Variants in XKR6 observed in about 807,000 individuals in gnomAD.
XKR6 encodes XK-related protein 6.
Under a neutral mutation model 56.7 loss-of-function variants are expected in XKR6, and 22 were observed. That is an observed-to-expected ratio of 0.39 (90% confidence interval 0.28 to 0.55). XKR6 has a LOEUF of 0.55. Among genes scored for constraint, XKR6 ranks in the 20% least tolerant of loss-of-function variants. XKR6 has a pLI of 0.66. For synonymous variants in XKR6, 524 were observed against 387.8 expected, an observed-to-expected ratio of 1.35 and a Z score of -4.13; for missense variants, 852 against 889.0, an observed-to-expected ratio of 0.96 and a Z score of 0.53.
intron 1 of XKR6, among the ~76,000 whole-genome samples, chr8:11,142,132 T>C (rs1800734718): frequency 2.0e-5 from 3 of 152,088 alleles, no homozygotes; most frequent in Non-Finnish European, 4.4e-5. Flanking sequence ...CACACATACA[T>C]TTCAGCCCTC....
chr8:11,027,995 G>T (rs563186354), intron 1 of XKR6, among the ~76,000 whole-genome samples: 1 of 152,130 alleles, frequency 6.6e-6, no homozygotes, highest in East Asian at 1.9e-4. Context: ...TTACATCAGG[G>T]TTCATACTTG....
At chr8:10,953,622 G>C (rs981707512) in intron 1 of XKR6, among the ~76,000 whole-genome samples, 3 of 152,184 alleles carry the variant, frequency 2.0e-5, no homozygotes, top group African/African-American at 4.8e-5. Flanking sequence ...CAATTCAGTG[G>C]ATCTGGCACT....
chr8:11,070,116 C>T (rs967564002), intron 1 of XKR6, among the ~76,000 whole-genome samples: 1 of 152,186 alleles, frequency 6.6e-6, no homozygotes, highest in Admixed American at 6.5e-5. Context: ...CCTGACAACA[C>T]AGATGTGTGA....
At chr8:11,019,990 C>T (rs1424100388) in intron 1 of XKR6, among the ~76,000 whole-genome samples, 3 of 152,160 alleles carry the variant, frequency 2.0e-5, no homozygotes, top group Non-Finnish European at 4.4e-5. Flanking sequence ...AGGGATAGGG[C>T]ACTCTTCCCC....
intron 1 of XKR6, among the ~76,000 whole-genome samples, chr8:11,069,813 G>A (rs777348681): frequency 5.3e-5 from 8 of 152,188 alleles, no homozygotes; most frequent in Non-Finnish European, 1.0e-4. Flanking sequence ...AGCATGCGGC[G>A]TGGCCCAGAC....
Position 11,048,642 on chromosome 8 carries a change from G to A in XKR6, c.765-123812C>T, listed in dbSNP as rs1018935642. 3.3e-5 allele frequency among the ~76,000 whole-genome samples: 5 copies of A among 152,134 alleles called. No individual in the cohort carries two copies. In the East Asian group the frequency reaches 7.7e-4, roughly 23 times the overall value. ...TGAGGTTGGAGAAGAGCTAGCCCAG[G>A]GGTCTCTACAAATGAAGGGAGCCCT... is the stretch of plus-strand genomic sequence containing the variant. On this transcript the variant is annotated intron_variant, in intron 1 of 2. Coordinates refer to ENST00000416569, the MANE Select transcript of XKR6 (RefSeq NM_173683.4).
At position 10,928,134 on chromosome 8, in the gene XKR6, T is replaced by G. The variant is rs368129698; in HGVS notation, c.765-3304A>C. Reference sequence around the variant, plus strand: ...CCTGGAGGTCTAGTCCAACCCCCACTTTATAGTGGAGGGCCCAGGTGCCAG... The same window carrying G: ...CCTGGAGGTCTAGTCCAACCCCCACGTTATAGTGGAGGGCCCAGGTGCCAG... On this transcript the variant is annotated intron_variant, in intron 1 of 2. Transcript: ENST00000416569. 2.5e-4 allele frequency among the ~76,000 whole-genome samples: 38 copies of G among 152,236 alleles called. No homozygotes were observed. The South Asian group carries it at 7.9e-3, about 32-fold the overall frequency.
chr8:11,019,710 C>A (rs938352705), intron 1 of XKR6, among the ~76,000 whole-genome samples: 2 of 152,194 alleles, frequency 1.3e-5, no homozygotes, highest in African/African-American at 4.8e-5. Context: ...CAGGCCCCAG[C>A]CACACCTGCA....
rs1554515116 is a variant in XKR6, at chr8:10,954,866, C to CCTTTTTTTTTTTTTT, written c.765-30037_765-30036insAAAAAAAAAAAAAAG. On this transcript the variant is annotated intron_variant, in intron 1 of 2. Transcript: ENST00000416569. Reference sequence around the variant, plus strand: ...TAAGGTAAGGGTCTAACTTCATTCTCTTTTTTTTTTTTTTTTTTTTAGACA... The same window carrying CCTTTTTTTTTTTTTT: ...TAAGGTAAGGGTCTAACTTCATTCTCCTTTTTTTTTTTTTTTTTTTTTTTTTTTTTTTTTTAGACA... 7.5e-5 allele frequency among the ~76,000 whole-genome samples: 7 copies of CCTTTTTTTTTTTTTT among 92,794 alleles called. 1 individual carries two copies. The highest frequency in any genetic ancestry group is 1.7e-4 in the African/African-American group (4 of 23,228). 60.9% of individuals were successfully genotyped at this position (92,794 alleles called of 152,430 possible). A position where few individuals can be genotyped will look rare whatever the true frequency, so the allele number is the denominator to read the frequency against.
intron 1 of XKR6, among the ~76,000 whole-genome samples, chr8:11,181,505 A>G (rs1802980798): frequency 6.6e-6 from 1 of 152,248 alleles, no homozygotes; most frequent in Non-Finnish European, 1.5e-5. Flanking sequence ...ATTATTTCAT[A>G]GGGACATATT....
intron 1 of XKR6, among the ~76,000 whole-genome samples, chr8:11,054,083 G>A (rs1563106475): frequency 1.3e-5 from 2 of 152,220 alleles, no homozygotes; most frequent in South Asian, 2.1e-4. Context: ...TAGGAATGCT[G>A]GGTGGGGAAT....
At chr8:10,909,679 C>A (rs375787758) in intron 2 of XKR6, among the ~76,000 whole-genome samples, 2 of 152,190 alleles carry the variant, frequency 1.3e-5, no homozygotes, top group Non-Finnish European at 1.5e-5. Context: ...TCTCCAAACA[C>A]GGGAAAGGGA....
intron 1 of XKR6, among the ~76,000 whole-genome samples, chr8:10,944,146 C>G (rs910541144): frequency 3.9e-5 from 6 of 152,154 alleles, no homozygotes; most frequent in African/African-American, 1.4e-4. Flanking sequence ...TCAGAGTGCA[C>G]TAAACTGAGT....
At chr8:11,046,562 A>G (rs1202994390) in intron 1 of XKR6, among the ~76,000 whole-genome samples, 3 of 152,220 alleles carry the variant, frequency 2.0e-5, no homozygotes, top group Admixed American at 2.0e-4. Context: ...GGATGAATGG[A>G]TAGAGAAAAT....
intron 1 of XKR6, among the ~76,000 whole-genome samples, chr8:11,027,241 C>T (rs536311360): frequency 6.6e-6 from 1 of 152,310 alleles, no homozygotes; most frequent in African/African-American, 2.4e-5. Flanking sequence ...ATGGTATTAT[C>T]ATCTTATGGG....
At chr8:10,950,187 G>C (rs557477171) in intron 1 of XKR6, among the ~76,000 whole-genome samples, 11 of 151,912 alleles carry the variant, frequency 7.2e-5, no homozygotes, top group Non-Finnish European at 1.3e-4. Context: ...CCACCCTGTC[G>C]CAGGCCAGCA....
chr8:11,173,290 G>A (rs1266334449), intron 1 of XKR6, among the ~76,000 whole-genome samples: 1 of 151,506 alleles, frequency 6.6e-6, no homozygotes, highest in Admixed American at 6.6e-5. Context: ...CTTGCAGTGA[G>A]CTGAGATCGT....
At position 11,076,076 on chromosome 8, in the gene XKR6, G is replaced by A. The variant is rs371698188; in HGVS notation, c.764+124500C>T. On this transcript the variant is annotated intron_variant, in intron 1 of 2. Coordinates refer to ENST00000416569, the MANE Select transcript of XKR6 (RefSeq NM_173683.4). Reference sequence around the variant, plus strand: ...GAAATTCTGGCACACACTACAACACGGGCGAACCTCGATGATAGTATGCTG... The same window carrying A: ...GAAATTCTGGCACACACTACAACACAGGCGAACCTCGATGATAGTATGCTG... Among the ~76,000 whole-genome samples the A allele has an allele frequency of 6.2e-4, 95 of 152,248 alleles. 2 individuals are homozygous for A. The highest frequency in any genetic ancestry group is 6.9e-4 in the Non-Finnish European group (47 of 68,008).
intron 1 of XKR6, chr8:11,137,827 A>G (rs1415810664): frequency 5.3e-6 from 2 of 376,636 alleles, no homozygotes; most frequent in African/African-American, 4.3e-5. Context: ...CAACTCTAGA[A>G]TCTTCAATTA....
Sources: allele counts gnomAD v4.1 joint callset (sites outside exome capture counted in the v4.1 genomes callset), GRCh38; gene constraint gnomAD v4.1.1; transcripts MANE v1.5; gene names NCBI Gene and HGNC (gene_info 2026-07-23, HGNC 2026-07-21).